Variants in ZNF343 observed in about 807,000 individuals in gnomAD.
The protein encoded by ZNF343 is zinc finger protein 343.
A neutral mutation model predicts 13.8 loss-of-function variants in ZNF343; 11 were observed. The ratio of observed to expected loss-of-function variants is 0.80; its 90% confidence interval spans 0.50 to 1.32. The LOEUF (loss-of-function observed/expected upper bound fraction) is 1.32, where lower values mean the gene tolerates loss of function less well. ZNF343 is among the 40% of genes most tolerant of loss of function. The pLI, the probability that ZNF343 is intolerant of heterozygous loss-of-function variation, is 0.00. For synonymous variants in ZNF343, 248 were observed against 260.0 expected, an observed-to-expected ratio of 0.95 and a Z score of 0.44; for missense variants, 658 against 714.2, an observed-to-expected ratio of 0.92 and a Z score of 0.90.
chr20:2,506,003 G>T (rs575492057), intron 1 of ZNF343, among the ~76,000 whole-genome samples: 136 of 152,200 alleles, frequency 8.9e-4, no homozygotes, highest in African/African-American at 3.1e-3. Flanking sequence ...GAGTGAACAG[G>T]CAACCTATAC....
intron 1 of ZNF343, among the ~76,000 whole-genome samples, chr20:2,522,716 A>G (rs1032221441): frequency 6.6e-6 from 1 of 152,260 alleles, no homozygotes; most frequent in Non-Finnish European, 1.5e-5. Context: ...TGGGAGGCCA[A>G]GGCAGGTGGA....
intron 5 of ZNF343, among the ~76,000 whole-genome samples, chr20:2,489,300 T>C (rs1192649952): frequency 1.3e-5 from 2 of 152,246 alleles, no homozygotes; most frequent in Non-Finnish European, 2.9e-5. Flanking sequence ...AGATAATTCA[T>C]GTTCCTCCTT....
rs117256574 is a variant in ZNF343 at position 2,493,899 on chromosome 20, G to T, written c.-4C>A. On this transcript the variant is annotated 5_prime_UTR_variant, in exon 3 of 6. Coordinates refer to ENST00000278772, the MANE Select transcript of ZNF343 (RefSeq NM_024325.6). Reference sequence around the variant, plus strand: ...CTGAAGGATAAGGCAACATCATGGCGCCAGAGTCAGCCCAGTGTGTGCCTT... The same window carrying T: ...CTGAAGGATAAGGCAACATCATGGCTCCAGAGTCAGCCCAGTGTGTGCCTT... 2 of 1,589,666 alleles carry T rather than the reference G, an allele frequency of 1.3e-6. No individual in the cohort carries two copies. The highest frequency in any genetic ancestry group is 8.6e-7 in the Non-Finnish European group (1 of 1,157,770).
intron 3 of ZNF343, 35 bp from the exon 4 acceptor site, chr20:2,493,612 C>CCCCCCCACCCCCCACCCCCCACCCCCCA (rs532735236): frequency 1.7e-6 from 2 of 1,193,366 alleles, no homozygotes; most frequent in South Asian, 2.4e-5. Flanking sequence ...AGAAACCAGA[C>CCCCCCCACCCCCCACCCCCCACCCCCCA]CCCCCCACCC....
chr20:2,492,862 C>T (rs2085389923), intron 4 of ZNF343, 37 bp from the exon 5 acceptor site: 2 of 1,607,868 alleles, frequency 1.2e-6, no homozygotes, highest in Non-Finnish European at 1.7e-6. Flanking sequence ...TAGCAAGCCA[C>T]CATCAATCTT....
intron 2 of ZNF343, among the ~76,000 whole-genome samples, chr20:2,494,931 A>G (rs756655517): frequency 3.9e-4 from 60 of 152,108 alleles, no homozygotes; most frequent in Admixed American, 1.3e-4. Context: ...TGACCTTACC[A>G]CAGATGTGCA....
At position 2,492,798 on chromosome 20, in the gene ZNF343, C is replaced by G. The variant is rs749905857; in HGVS notation, c.205G>C (p.Val69Leu). 6.2e-7 allele frequency: 1 copy of G among 1,613,724 alleles called. No individual in the cohort carries two copies. The highest frequency in any genetic ancestry group is 8.5e-7 in the Non-Finnish European group (1 of 1,179,992). ...TTCCATTCTGCTTCTGTGAAGATCA[C>G]AGTCACATCCCTGAATGTAACTGGT... Reference protein sequence around the residue: ...VVPVTFRDVTVIFTEAEWKRL... With the variant: ...VVPVTFRDVTLIFTEAEWKRL... The change falls in exon 5 of 6, where the codon GTG becomes CTG. Residue 69 changes from valine to leucine, a missense_variant. Physicochemically the swap from Val to Leu is conservative, Grantham distance 32. Coordinates refer to ENST00000278772, the MANE Select transcript of ZNF343 (RefSeq NM_024325.6).
intron 4 of ZNF343, chr20:2,493,112 G>T: frequency 2.0e-6 from 1 of 491,274 alleles, no homozygotes; most frequent in Non-Finnish European, 3.6e-6. Flanking sequence ...CTGTGTTTAA[G>T]ACAGTGACTT....
At chr20:2,492,572 G>A in intron 5 of ZNF343, 127 bp downstream of exon 5, 3 of 1,103,512 alleles carry the variant, frequency 2.7e-6, no homozygotes, top group Non-Finnish European at 3.9e-6. Context: ...AAGCCCCATG[G>A]AGGCAGGGAT....
Position 2,518,123 on chromosome 20 carries a change from C to T in ZNF343, c.-347+6332G>A, listed in dbSNP as rs1394250898. ...CTGCCTCCCAGGCTCAAGTGATTCC[C>T]CTTCCTCAGCTTTCTGAGTAGCTGG... On this transcript the variant is annotated intron_variant, in intron 1 of 6. Transcript: ENST00000358413. This position sits in a 1 kb window ranked among gnomAD's most constrained non-coding sequence, Gnocchi z 4.6. 6.6e-6 allele frequency among the ~76,000 whole-genome samples: 1 copy of T among 152,032 alleles called. No homozygotes were observed. Among genetic ancestry groups the T allele is most frequent in the Non-Finnish European group, 1.5e-5 (1 of 67,998 alleles).
rs752507101 is a variant in ZNF343, at chr20:2,493,534, T to C, written c.162A>G (p.Gly54=). 3 of 1,613,692 alleles carry C rather than the reference T, an allele frequency of 1.9e-6. No individual in the cohort carries two copies. Among genetic ancestry groups the C allele is most frequent in the Non-Finnish European group, 2.5e-6 (3 of 1,179,884 alleles). Residue 54 remains glycine (G), a synonymous_variant, in exon 4 of 6, where the codon GGA becomes GGG. Coordinates refer to ENST00000278772, the MANE Select transcript of ZNF343 (RefSeq NM_024325.6). ...CCCAACTCACCACTATTTGGGCCTT[T>C]CCCTCCTTTTTCTGGGGGCAGTCAG... ...NDTDCPQKKE[G]KAQIVVPVTF... is the part of the protein sequence containing the mutation.
Position 2,508,866 on chromosome 20 carries a change from G to C in ZNF343, c.-237+15C>G, listed in dbSNP as rs2122739595. On this transcript the variant is annotated intron_variant, in intron 1 of 5. Coordinates refer to ENST00000278772, the MANE Select transcript of ZNF343 (RefSeq NM_024325.6). The surrounding 1 kb of genome is among the most constrained non-coding windows in gnomAD (Gnocchi z 4.5). ...GGGCATCCTGGGGCCAAGGAGCCGCGGAGGCCGCGCTCACCAGAGCCAGCG... is the reference window on the plus strand; with the variant it reads ...GGGCATCCTGGGGCCAAGGAGCCGCCGAGGCCGCGCTCACCAGAGCCAGCG... The C allele has an allele frequency of 6.6e-6, 1 of 152,390 alleles. No individual in the cohort carries two copies. The highest frequency in any genetic ancestry group is 3.4e-3 in the Middle Eastern group (1 of 294). 9.4% of individuals were successfully genotyped at this position (152,390 alleles called of 1,614,324 possible). A position where few individuals can be genotyped will look rare whatever the true frequency, so the allele number is the denominator to read the frequency against.
chr20:2,484,535 A>G lies in ZNF343; in HGVS notation c.426T>C (p.His142=), dbSNP rs1399079028. The G allele has an allele frequency of 6.2e-7, 1 of 1,614,196 alleles. No individual in the cohort carries two copies. Among genetic ancestry groups the G allele is most frequent in the Non-Finnish European group, 8.5e-7 (1 of 1,180,040 alleles). Residue 142 remains histidine (H), a synonymous_variant, in exon 6 of 6, where the codon CAT becomes CAC. Coordinates refer to ENST00000278772, the MANE Select transcript of ZNF343 (RefSeq NM_024325.6). The stretch of plus-strand genomic sequence containing the variant: ...AATGCCCTGGGCTAGAATTCCCTGG[A>G]TGGAAGTGATTTTCTGCACATAAGC... ...FLGLCAENHF[H]PGNSSPGHWK...
intron 1 of ZNF343, among the ~76,000 whole-genome samples, chr20:2,501,318 A>T (rs59032805): frequency 0.011 from 1,601 of 152,310 alleles, 23 homozygotes; most frequent in African/African-American, 0.036. Flanking sequence ...AGGAAGCTCG[A>T]ACTGGGTGAA....
At chr20:2,510,701 G>C (rs2085734115), upstream of ZNF343, among the ~76,000 whole-genome samples, 1 of 152,168 alleles carries the variant, frequency 6.6e-6, no homozygotes, top group Non-Finnish European at 1.5e-5. Flanking sequence ...CAGGGGTTGG[G>C]TCTAGGTCCT....
intron 1 of ZNF343, among the ~76,000 whole-genome samples, chr20:2,514,992 G>T (rs914282868): frequency 1.1e-4 from 15 of 137,408 alleles, no homozygotes; most frequent in African/African-American, 4.1e-4. Context: ...GACAGAGCGA[G>T]ACATTGTATC....
chr20:2,520,962 G>C (rs2085779826), intron 1 of ZNF343, among the ~76,000 whole-genome samples: 1 of 152,200 alleles, frequency 6.6e-6, no homozygotes, highest in Non-Finnish European at 1.5e-5. Context: ...GATGCAGGGA[G>C]GAAGCTTCTG....
intron 5 of ZNF343, among the ~76,000 whole-genome samples, chr20:2,487,852 C>T (rs1182402698): frequency 6.6e-6 from 1 of 152,088 alleles, no homozygotes; most frequent in Non-Finnish European, 1.5e-5. Context: ...TAAATGCTGC[C>T]AATGGTATGT....
At chr20:2,509,770 G>C (rs1012344225), upstream of ZNF343, among the ~76,000 whole-genome samples, 1 of 152,216 alleles carries the variant, frequency 6.6e-6, no homozygotes, top group Non-Finnish European at 1.5e-5. Flanking sequence ...CAGACCTTCA[G>C]CTCATAGGAG....
Sources: allele counts gnomAD v4.1 joint callset (sites outside exome capture counted in the v4.1 genomes callset), GRCh38; gene constraint gnomAD v4.1.1; non-coding constraint Gnocchi (gnomAD v3.1); transcripts MANE v1.5; gene names NCBI Gene and HGNC (gene_info 2026-07-23, HGNC 2026-07-21).